Variants in FRMD4B observed in about 807,000 individuals in gnomAD.
The protein encoded by FRMD4B is FERM domain-containing protein 4B.
Under a neutral mutation model 141.5 loss-of-function variants are expected in FRMD4B, and 74 were observed. That is an observed-to-expected ratio of 0.52 (90% confidence interval 0.43 to 0.63). The LOEUF is 0.63. Ranked by LOEUF, FRMD4B falls within the 30% of genes least tolerant of loss-of-function variation. The probability of loss-of-function intolerance (pLI) is 0.00; values close to 1 mark genes in which losing one functional copy is unlikely to be tolerated. For synonymous variants in FRMD4B, 506 were observed against 467.9 expected (o/e 1.08, Z -1.05); for missense variants, 1,366 against 1,253.4 (o/e 1.09, Z -1.36).
chr3:69,507,567 A>G (rs1012050145), intron 1 of FRMD4B, among the ~76,000 whole-genome samples: 4 of 152,244 alleles, frequency 2.6e-5, no homozygotes. Context: ...AACCAGTACC[A>G]TATTGATGGA....
chr3:69,424,053 G>T (rs1204149959), intron 2 of FRMD4B, among the ~76,000 whole-genome samples: 1 of 152,168 alleles, frequency 6.6e-6, no homozygotes, highest in Non-Finnish European at 1.5e-5. Flanking sequence ...ATTCAAACAT[G>T]AATTATAGTA....
At chr3:69,514,035 T>C (rs778305233) in intron 1 of FRMD4B, among the ~76,000 whole-genome samples, 4 of 152,100 alleles carry the variant, frequency 2.6e-5, no homozygotes, top group Admixed American at 6.5e-5. Flanking sequence ...TTCAACATAG[T>C]ATTGAAAGTC....
At chr3:69,255,294 A>G (rs1177366936) in intron 5 of FRMD4B, among the ~76,000 whole-genome samples, 1 of 152,232 alleles carries the variant, frequency 6.6e-6, no homozygotes, top group African/African-American at 2.4e-5. Context: ...GCCAAATGTT[A>G]AAAACTGGTA....
intron 1 of FRMD4B, among the ~76,000 whole-genome samples, chr3:69,451,862 G>C (rs1705507082): frequency 2.6e-5 from 4 of 152,184 alleles, no homozygotes; most frequent in African/African-American, 9.7e-5. Context: ...ATTCTCTTTT[G>C]ACAAAAGACA....
chr3:69,189,888 C>G lies in FRMD4B; in HGVS notation c.1771+8G>C, dbSNP rs1031118440. 2.6e-6 allele frequency: 4 copies of G among 1,551,554 alleles called. No individual in the cohort carries two copies. In the African/African-American group the frequency reaches 5.4e-5, roughly 21 times the overall value. The stretch of plus-strand genomic sequence containing the variant: ...CATTTTTAAACCAAAAAAGGAAGAG[C>G]CACTTACGATCATCATAGGTGGTGG... On this transcript the variant is annotated splice_region_variant and intron_variant, in intron 18 of 22. Transcript: ENST00000398540.
intron 1 of FRMD4B, among the ~76,000 whole-genome samples, chr3:69,502,046 G>A (rs1348838224): frequency 6.6e-6 from 1 of 152,134 alleles, no homozygotes; most frequent in African/African-American, 2.4e-5. Context: ...ACAAACAAAT[G>A]GAAGAACATT....
At chr3:69,212,626 A>C (rs1030146843) in intron 11 of FRMD4B, among the ~76,000 whole-genome samples, 4 of 152,194 alleles carry the variant, frequency 2.6e-5, no homozygotes, top group African/African-American at 9.6e-5. Context: ...TGTGAGTCAT[A>C]AGTACAGGAG....
At chr3:69,531,282 C>T (rs1370396982) in intron 1 of FRMD4B, among the ~76,000 whole-genome samples, 1 of 152,084 alleles carries the variant, frequency 6.6e-6, no homozygotes, top group African/African-American at 2.4e-5. Context: ...TACAGGCTCT[C>T]AATCCCACAC....
At chr3:69,459,386 G>T (rs1705673414) in intron 1 of FRMD4B, among the ~76,000 whole-genome samples, 1 of 152,224 alleles carries the variant, frequency 6.6e-6, no homozygotes, top group South Asian at 2.1e-4. Flanking sequence ...GATAATGCAG[G>T]ACTCACTACA....
chr3:69,396,380 C>G (rs1458530252), intron 2 of FRMD4B, among the ~76,000 whole-genome samples: 1 of 152,116 alleles, frequency 6.6e-6, no homozygotes, highest in Non-Finnish European at 1.5e-5. Flanking sequence ...TGGCACACAC[C>G]TGTAATCCCA....
chr3:69,188,454 C>T (rs549428410), intron 18 of FRMD4B, among the ~76,000 whole-genome samples: 1 of 152,260 alleles, frequency 6.6e-6, no homozygotes, highest in African/African-American at 2.4e-5. Flanking sequence ...ATGAAGAATT[C>T]TGCAGTGGTG....
intron 2 of FRMD4B, among the ~76,000 whole-genome samples, chr3:69,395,835 A>C (rs534508464): frequency 1.3e-5 from 2 of 152,288 alleles, no homozygotes; most frequent in South Asian, 4.1e-4. Context: ...GAGTTCAGGG[A>C]GCTTTAAGCA....
At chr3:69,432,637 T>C (rs1269815713) in exon 2 of FRMD4B, 1 of 152,228 alleles carries the variant, frequency 6.6e-6, no homozygotes, top group Non-Finnish European at 1.5e-5. Flanking sequence ...AACTTACCTT[T>C]AACTAGTAAG....
intron 1 of FRMD4B, among the ~76,000 whole-genome samples, chr3:69,338,249 T>C (rs368045091): frequency 6.6e-6 from 1 of 152,104 alleles, no homozygotes; most frequent in Non-Finnish European, 1.5e-5. Flanking sequence ...TAGGTGGGAA[T>C]TGAACAATGA....
intron 7 of FRMD4B, among the ~76,000 whole-genome samples, chr3:69,247,122 TTAA>T (rs898684070): frequency 1.5e-4 from 23 of 152,228 alleles, no homozygotes; most frequent in Admixed American, 1.3e-3. Flanking sequence ...AATAACTAAA[TTAA>T]TAATAATAGC....
At chr3:69,179,561 A>G (rs544238676) in intron 21 of FRMD4B, among the ~76,000 whole-genome samples, 1 of 152,344 alleles carries the variant, frequency 6.6e-6, no homozygotes, top group South Asian at 2.1e-4. Flanking sequence ...CAAATAGGAG[A>G]GAACTTGAAC....
intron 1 of FRMD4B, among the ~76,000 whole-genome samples, chr3:69,489,191 G>A (rs529709043): frequency 2.6e-5 from 4 of 151,172 alleles, no homozygotes; most frequent in African/African-American, 7.3e-5. Flanking sequence ...ATCTTAATAC[G>A]ATGACAAATC....
chr3:69,269,900 G>T lies in FRMD4B; in HGVS notation c.501+17852C>A, dbSNP rs181960490. On this transcript the variant is annotated intron_variant, in intron 5 of 22. Transcript: ENST00000398540. Reference sequence around the variant, plus strand: ...CTCCCAAAGTGCTGGGATTACAGGCGTGAACCACTGTGCCCGGCCTCATGT... The same window carrying T: ...CTCCCAAAGTGCTGGGATTACAGGCTTGAACCACTGTGCCCGGCCTCATGT... Among the ~76,000 whole-genome samples, 230 of 152,370 alleles carry T rather than the reference G, an allele frequency of 1.5e-3. 3 individuals carry two copies. The highest frequency in any genetic ancestry group is 0.013 in the Admixed American group (205 of 15,304).
At chr3:69,275,640 G>A (rs1395602601) in intron 5 of FRMD4B, among the ~76,000 whole-genome samples, 1 of 151,582 alleles carries the variant, frequency 6.6e-6, no homozygotes, top group Non-Finnish European at 1.5e-5. Context: ...TACATTGCCC[G>A]GGGTGGTCTC....
Sources: gnomAD v4.1 joint callset for allele counts (sites outside exome capture counted in the v4.1 genomes callset) on GRCh38, gnomAD v4.1.1 for gene constraint, MANE v1.5 for transcripts, NCBI Gene and HGNC (gene_info 2026-07-23, HGNC 2026-07-21) for gene names.